The following VNN1 variants were observed in gnomAD, a reference collection of about 807,000 sequenced individuals.
VNN1 encodes the protein vanin 1.
In VNN1, 29 loss-of-function variants were observed where a neutral mutation model predicts 41.9. The ratio of observed to expected loss-of-function variants is 0.69; its 90% confidence interval spans 0.52 to 0.94. The LOEUF (loss-of-function observed/expected upper bound fraction) is 0.94. Among genes scored for constraint, VNN1 ranks in the 40% least tolerant of loss-of-function variants. The probability of loss-of-function intolerance (pLI) is 0.00; values close to 1 mark genes in which losing one functional copy is unlikely to be tolerated. For missense variants in VNN1, 637 were observed against 621.1 expected, an observed-to-expected ratio of 1.03 and a Z score of -0.27; for synonymous variants, 233 against 224.4, an observed-to-expected ratio of 1.04 and a Z score of -0.34.
chr6:132,689,900 T>C (rs1778258141), intron 5 of VNN1, among the ~76,000 whole-genome samples: 5 of 152,204 alleles, frequency 3.3e-5, no homozygotes, highest in Admixed American at 3.3e-4. Flanking sequence ...CTACCCACTG[T>C]CAGTGAGTCT....
chr6:132,708,748 T>C (rs1778553564), intron 2 of VNN1, among the ~76,000 whole-genome samples: 1 of 152,222 alleles, frequency 6.6e-6, no homozygotes, highest in African/African-American at 2.4e-5. Context: ...ATCATCTCTA[T>C]GCCATAATGA....
At chr6:132,713,377 A>C (rs1475453267) in intron 1 of VNN1, among the ~76,000 whole-genome samples, 1 of 152,228 alleles carries the variant, frequency 6.6e-6, no homozygotes, top group Non-Finnish European at 1.5e-5. Context: ...GAAGTATATA[A>C]TGCATGCTGG....
chr6:132,687,392 G>T (rs1401068829), intron 5 of VNN1, among the ~76,000 whole-genome samples: 1 of 152,184 alleles, frequency 6.6e-6, no homozygotes, highest in South Asian at 2.1e-4. Context: ...AAGAAAGAGG[G>T]CACAAGCCCA....
intron 2 of VNN1, among the ~76,000 whole-genome samples, chr6:132,697,425 G>A (rs1468441604): frequency 1.3e-5 from 2 of 152,096 alleles, no homozygotes; most frequent in East Asian, 3.9e-4. Flanking sequence ...CAGCTAGTAT[G>A]AAACAATGGA....
intron 2 of VNN1, among the ~76,000 whole-genome samples, chr6:132,702,719 C>T (rs1778465203): frequency 6.6e-6 from 1 of 152,144 alleles, no homozygotes; most frequent in African/African-American, 2.4e-5. Context: ...TACTGAATCC[C>T]CCAACCCAGG....
At chr6:132,704,086 G>C (rs959568252) in intron 2 of VNN1, among the ~76,000 whole-genome samples, 1 of 151,958 alleles carries the variant, frequency 6.6e-6, no homozygotes, top group African/African-American at 2.4e-5. Flanking sequence ...TAAAGAGAGA[G>C]ATAGATCCCA....
intron 2 of VNN1, among the ~76,000 whole-genome samples, chr6:132,696,179 C>T (rs1309844082): frequency 1.3e-5 from 2 of 151,936 alleles, no homozygotes; most frequent in African/African-American, 4.8e-5. Flanking sequence ...CTGAAAATTA[C>T]AATAACTGAA....
At chr6:132,688,668 T>G (rs1461073039) in intron 5 of VNN1, among the ~76,000 whole-genome samples, 1 of 152,194 alleles carries the variant, frequency 6.6e-6, no homozygotes, top group African/African-American at 2.4e-5. Flanking sequence ...TTTTAAAAAT[T>G]TATATAGCAA....
intron 5 of VNN1, 46 bp from the exon 6 acceptor site, chr6:132,684,551 G>A (rs1187855679): frequency 2.5e-6 from 4 of 1,601,136 alleles, no homozygotes; most frequent in East Asian, 2.2e-5. Flanking sequence ...AGTCATGTGG[G>A]ATATGTGAAT....
In VNN1 at chr6:132,693,060, C is replaced by T; in HGVS notation, c.790G>A (p.Ala264Thr). 1.2e-6 allele frequency: 2 copies of T among 1,613,070 alleles called. No homozygotes were observed. The highest frequency in any genetic ancestry group is 1.7e-6 in the Non-Finnish European group (2 of 1,179,502). The change falls in exon 4 of 7, where the codon GCA becomes ACA. Residue 264 changes from alanine (A) to threonine (T), a missense_variant. Transcript: ENST00000367928. ...WAMGMRVNFL[A>T]SNIHYPSKKM... Reference sequence around the variant, plus strand: ...TTTGAGGGGTAATGTATGTTGGATGCAAGGAAATTGACCCTCATGCCCATA... The same window carrying T: ...TTTGAGGGGTAATGTATGTTGGATGTAAGGAAATTGACCCTCATGCCCATA...
rs1004809696 is a variant in VNN1, at chr6:132,699,275, G to A, written c.342-5093C>T. 5.7e-5 allele frequency: 13 copies of A among 229,662 alleles called. No individual in the cohort carries two copies. In the Admixed American group the frequency reaches 5.8e-4, roughly 10 times the overall value. The allele number at this position is 229,662 out of a possible 1,614,324, so 14.2% of individuals were successfully genotyped here. ...ACAACTCCACTATTCACTCATTCAA[G>A]GGAACTTGCCATTTGAAAGGAGAAG... is the stretch of plus-strand genomic sequence containing the variant. On this transcript the variant is annotated intron_variant, in intron 2 of 6. Transcript: ENST00000367928.
intron 1 of VNN1, among the ~76,000 whole-genome samples, chr6:132,713,037 T>C (rs1778626334): frequency 6.6e-6 from 1 of 152,076 alleles, no homozygotes; most frequent in Non-Finnish European, 1.5e-5. Flanking sequence ...CTGGAGACTG[T>C]AGTGGGAGAA....
intron 2 of VNN1, among the ~76,000 whole-genome samples, chr6:132,694,886 C>T (rs373632102): frequency 1.1e-4 from 16 of 152,084 alleles, no homozygotes; most frequent in Admixed American, 3.9e-4. Context: ...GGTGTGGTAG[C>T]TCATGCCTGT....
intron 2 of VNN1, among the ~76,000 whole-genome samples, chr6:132,696,527 G>A (rs2745439): frequency 0.43 from 65,840 of 151,962 alleles, 15,399 homozygotes; most frequent in African/African-American, 0.6. Flanking sequence ...AAATTGTAGA[G>A]AGCCAAAGAC....
chr6:132,686,373 G>T (rs192803892), intron 5 of VNN1, among the ~76,000 whole-genome samples: 2 of 152,090 alleles, frequency 1.3e-5, no homozygotes, highest in Admixed American at 1.3e-4. Context: ...GCTTGAACCC[G>T]GGAGGCAGAG....
At chr6:132,711,677 A>C (rs767838369) in intron 2 of VNN1, 32 bp downstream of exon 2, 29 of 1,602,620 alleles carry the variant, frequency 1.8e-5, no homozygotes, top group Non-Finnish European at 2.2e-5. Flanking sequence ...GTTGATGTTT[A>C]CTAGTGAATT....
At chr6:132,695,812 G>T (rs1456834123) in intron 2 of VNN1, among the ~76,000 whole-genome samples, 1 of 152,118 alleles carries the variant, frequency 6.6e-6, no homozygotes, top group African/African-American at 2.4e-5. Context: ...ATCTCAAGCT[G>T]ATCCTCAACA....
intron 4 of VNN1, 33 bp from the exon 5 acceptor site, chr6:132,692,617 ATTGG>A (rs1392051067): frequency 1.3e-6 from 2 of 1,522,758 alleles, no homozygotes; most frequent in Non-Finnish European, 8.7e-7. Flanking sequence ...ATCATTTGAA[ATTGG>A]AAAGTAAAAA....
In VNN1 at chr6:132,681,757, C is replaced by G. The variant is rs1319960972; in HGVS notation, c.*1383G>C. On this transcript the variant is annotated 3_prime_UTR_variant, in exon 7 of 7. Coordinates refer to ENST00000367928, the MANE Select transcript of VNN1 (RefSeq NM_004666.3). ...TTAGGTCTTGAAAAAAAGCAAATGT[C>G]AGTTAATGTCACCCAAAAGAACAAG... 6.6e-6 allele frequency: 1 copy of G among 152,540 alleles called. No individual in the cohort carries two copies. 9.4% of individuals were successfully genotyped at this position (152,540 alleles called of 1,614,324 possible). A position where few individuals can be genotyped will look rare whatever the true frequency, so the allele number is the denominator to read the frequency against.
Sources: allele counts gnomAD v4.1 joint callset (sites outside exome capture counted in the v4.1 genomes callset), GRCh38; gene constraint gnomAD v4.1.1; transcripts MANE v1.5; gene names NCBI Gene and HGNC (gene_info 2026-07-23, HGNC 2026-07-21).